The following ZNF143 variants were observed in gnomAD, a reference collection of about 807,000 sequenced individuals.
ZNF143 encodes the protein zinc finger protein 143.
Under a neutral mutation model 74.1 loss-of-function variants are expected in ZNF143, and 49 were observed. The ratio of observed to expected loss-of-function variants is 0.66; its 90% CI spans 0.53 to 0.84. The LOEUF is 0.84. ZNF143 is among the 40% of genes least tolerant of loss of function. The pLI is 0.00. For missense variants in ZNF143, 637 were observed against 793.4 expected (o/e 0.80, Z 2.37); for synonymous variants, 304 against 282.8 (o/e 1.07, Z -0.75).
chr11:9,505,436 A>C (rs555519789), intron 11 of ZNF143, among the ~76,000 whole-genome samples: 4 of 151,978 alleles, frequency 2.6e-5, no homozygotes, highest in African/African-American at 9.7e-5. Context: ...CGCTGAGCTA[A>C]GTTTTGTATT....
chr11:9,526,585 A>AT (rs35509156), intron 15 of ZNF143, among the ~76,000 whole-genome samples: 49,178 of 147,354 alleles, frequency 0.33, 9,465 homozygotes, highest in Non-Finnish European at 0.44. Context: ...GCATGTATGA[A>AT]TTTTTTTTTT....
chr11:9,467,383 G>A (rs1215858701), intron 1 of ZNF143, among the ~76,000 whole-genome samples: 11 of 151,760 alleles, frequency 7.2e-5, no homozygotes, highest in East Asian at 3.9e-4. Flanking sequence ...ATAGGCACCC[G>A]CCACCATACC....
At chr11:9,492,920 A>G (rs1426970881) in intron 7 of ZNF143, among the ~76,000 whole-genome samples, 1 of 152,166 alleles carries the variant, frequency 6.6e-6, no homozygotes, top group Non-Finnish European at 1.5e-5. Context: ...TTGAAGAATC[A>G]TCTGTGTTTG....
chr11:9,519,398 G>A (rs573975034), intron 14 of ZNF143, among the ~76,000 whole-genome samples: 5 of 152,078 alleles, frequency 3.3e-5, no homozygotes, highest in East Asian at 1.9e-4. Context: ...TGCCCGCCTC[G>A]GCCTCCCAAA....
intron 13 of ZNF143, among the ~76,000 whole-genome samples, chr11:9,515,445 C>T (rs1290454454): frequency 3.3e-5 from 5 of 151,160 alleles, no homozygotes; most frequent in Non-Finnish European, 7.4e-5. Flanking sequence ...GTCAGGAGAT[C>T]GAGACCGGCT....
intron 7 of ZNF143, among the ~76,000 whole-genome samples, chr11:9,483,268 A>T (rs1391052569): frequency 7.2e-6 from 1 of 139,320 alleles, no homozygotes; most frequent in Non-Finnish European, 1.5e-5. Context: ...TGCTGGGATT[A>T]CAGGTGTGAG....
chr11:9,477,549 A>G (rs893349271), intron 5 of ZNF143, among the ~76,000 whole-genome samples: 1 of 151,932 alleles, frequency 6.6e-6, no homozygotes, highest in African/African-American at 2.4e-5. Context: ...GCCACCACAA[A>G]AGGCCGCACT....
At chr11:9,506,534 T>C (rs1848370981) in intron 11 of ZNF143, among the ~76,000 whole-genome samples, 1 of 152,206 alleles carries the variant, frequency 6.6e-6, no homozygotes. Context: ...ATAGACTGAT[T>C]GCCCAGATCC....
At chr11:9,520,060 G>A (rs1303995488) in intron 14 of ZNF143, among the ~76,000 whole-genome samples, 3 of 112,106 alleles carry the variant, frequency 2.7e-5, no homozygotes, top group East Asian at 5.2e-4. Context: ...TTTTTGAGAC[G>A]GAATCTCCCT....
intron 7 of ZNF143, among the ~76,000 whole-genome samples, chr11:9,492,105 ATT>A (rs34432476): frequency 1.0e-4 from 10 of 100,236 alleles, no homozygotes; most frequent in Admixed American, 9.4e-4. Context: ...CACCTGGCTA[ATT>A]TTTTTTTTTT....
chr11:9,501,374 C>A, intron 11 of ZNF143, 104 bp downstream of exon 11: 1 of 1,336,844 alleles, frequency 7.5e-7, no homozygotes, highest in Non-Finnish European at 1.0e-6. Flanking sequence ...CTTTCTATCA[C>A]TTGGCATGGT....
chr11:9,475,903 AATAT>A (rs1554962054), intron 5 of ZNF143, among the ~76,000 whole-genome samples: 2 of 76,240 alleles, frequency 2.6e-5, no homozygotes, highest in Non-Finnish European at 6.7e-5. Context: ...GTCTCAAAAA[AATAT>A]ATATGTGTGT....
chr11:9,494,634 T>G lies in ZNF143; in HGVS notation c.646-12T>G, dbSNP rs752446275. On this transcript the variant is annotated splice_polypyrimidine_tract_variant and intron_variant, in intron 7 of 15. Coordinates refer to ENST00000396602, the MANE Select transcript of ZNF143 (RefSeq NM_003442.6). Reference sequence around the variant, plus strand: ...CTTAAGTAATTTAAGTAATACTATTTGTTTTATTTAGATTGTTTTACAAGG... The same window carrying G: ...CTTAAGTAATTTAAGTAATACTATTGGTTTTATTTAGATTGTTTTACAAGG... 28 of 1,611,902 alleles carry G rather than the reference T, an allele frequency of 1.7e-5. No individual in the cohort carries two copies. In the East Asian group the frequency reaches 6.2e-4, roughly 36 times the overall value.
intron 2 of ZNF143, among the ~76,000 whole-genome samples, chr11:9,472,230 GT>G (rs1465523606): frequency 6.6e-6 from 1 of 151,888 alleles, no homozygotes; most frequent in Non-Finnish European, 1.5e-5. Flanking sequence ...TTCCCAGCCT[GT>G]TTTTGGTAAG....
At chr11:9,486,992 G>A (rs1424715378) in intron 7 of ZNF143, among the ~76,000 whole-genome samples, 1 of 114,272 alleles carries the variant, frequency 8.8e-6, no homozygotes, top group African/African-American at 3.6e-5. Flanking sequence ...TTGAGACGGA[G>A]TTTCACTCTT....
At chr11:9,486,381 A>G (rs1472847250) in intron 7 of ZNF143, among the ~76,000 whole-genome samples, 4 of 24,880 alleles carry the variant, frequency 1.6e-4, no homozygotes, top group Admixed American at 7.7e-4. Flanking sequence ...AATATATTAT[A>G]TATATAATAT....
intron 7 of ZNF143, among the ~76,000 whole-genome samples, chr11:9,487,434 A>G (rs1467058814): frequency 6.6e-6 from 1 of 151,306 alleles, no homozygotes; most frequent in Non-Finnish European, 1.5e-5. Context: ...ATCTCAGCTC[A>G]CTGCAAGCTC....
Position 9,528,482 on chromosome 11 carries a change from A to C in ZNF143, c.*869A>C, listed in dbSNP as rs983217002. On this transcript the variant is annotated 3_prime_UTR_variant, in exon 16 of 16. Coordinates refer to ENST00000396602, the MANE Select transcript of ZNF143 (RefSeq NM_003442.6). ...TTTGTTTTAAAGCTTATTTACCCCA[A>C]AGTTTATTATTAATTTTGAATACAG... 1.3e-5 allele frequency: 2 copies of C among 152,130 alleles called. No individual in the cohort carries two copies. The highest frequency in any genetic ancestry group is 4.8e-5 in the African/African-American group (2 of 41,424). 9.4% of individuals were successfully genotyped at this position (152,130 alleles called of 1,614,324 possible).
At chr11:9,487,323 A>C (rs1402512158) in intron 7 of ZNF143, among the ~76,000 whole-genome samples, 1 of 151,374 alleles carries the variant, frequency 6.6e-6, no homozygotes, top group Non-Finnish European at 1.5e-5. Flanking sequence ...ACAACGTTAC[A>C]TGGTGAGTTT....
Sources: gnomAD v4.1 joint callset for allele counts (sites outside exome capture counted in the v4.1 genomes callset) on GRCh38, gnomAD v4.1.1 for gene constraint, MANE v1.5 for transcripts, NCBI Gene and HGNC (gene_info 2026-07-23, HGNC 2026-07-21) for gene names.